The following XKR9 variants were observed in gnomAD, a reference collection of about 807,000 sequenced individuals.
XKR9 encodes the protein XK-related protein 9.
In XKR9, 32 loss-of-function variants were observed where a neutral mutation model predicts 32.0. The observed-to-expected ratio is 1.00, with a 90% CI of 0.76 to 1.34. The LOEUF (loss-of-function observed/expected upper bound fraction) is 1.34. XKR9 is among the 40% of genes most tolerant of loss of function. XKR9 has a pLI of 0.00. For synonymous variants in XKR9, 168 were observed against 143.4 expected (o/e 1.17, Z -1.22); for missense variants, 546 against 429.7 (o/e 1.27, Z -2.39).
chr8:70,931,668 C>T, the XKR9 span, among the ~76,000 whole-genome samples: 4 of 152,184 alleles, frequency 2.6e-5, no homozygotes, highest in East Asian at 1.9e-4. Flanking sequence ...GCACTGGCAT[C>T]TGTTTGTTGT....
chr8:70,944,670 C>T, the XKR9 span, among the ~76,000 whole-genome samples: 2 of 152,212 alleles, frequency 1.3e-5, no homozygotes, highest in East Asian at 3.9e-4. Flanking sequence ...GACCAGTTAG[C>T]GGCAGCAAAT....
intron 2 of XKR9, among the ~76,000 whole-genome samples, chr8:70,776,947 C>CTCTCTCTCTCTCTCTCTCTCTCTCTA: frequency 1.8e-5 from 1 of 54,222 alleles, no homozygotes; most frequent in Non-Finnish European, 3.5e-5. Flanking sequence ...CTCTCTCTCT[C>CTCTCTCTCTCTCTCTCTCTCTCTCTA]TATATATATA....
the XKR9 span, among the ~76,000 whole-genome samples, chr8:70,858,695 T>C: frequency 6.6e-6 from 1 of 151,984 alleles, no homozygotes; most frequent in Admixed American, 6.6e-5. Flanking sequence ...AACCCAGATA[T>C]AAATCCTTGC....
the XKR9 span, among the ~76,000 whole-genome samples, chr8:71,029,046 G>C: frequency 6.6e-6 from 1 of 152,032 alleles, no homozygotes; most frequent in Non-Finnish European, 1.5e-5. Context: ...AATCCCTCCA[G>C]GTCCGTTGTC....
At chr8:70,903,177 C>T in the XKR9 span, among the ~76,000 whole-genome samples, 10 of 152,206 alleles carry the variant, frequency 6.6e-5, no homozygotes, top group South Asian at 1.0e-3. Flanking sequence ...GGAGCATTCT[C>T]TCTTTTTCTA....
intron 2 of XKR9, among the ~76,000 whole-genome samples, chr8:70,756,341 G>A (rs555296444): frequency 6.6e-6 from 1 of 152,238 alleles, no homozygotes; most frequent in Non-Finnish European, 1.5e-5. Context: ...TATTTTAATT[G>A]TCCAGACTCC....
At chr8:70,863,122 A>G in the XKR9 span, among the ~76,000 whole-genome samples, 1 of 152,174 alleles carries the variant, frequency 6.6e-6, no homozygotes, top group Non-Finnish European at 1.5e-5. Context: ...TAGAGCCTTG[A>G]GGGCTATGTT....
chr8:70,822,342 A>G, the XKR9 span, among the ~76,000 whole-genome samples: 1 of 151,996 alleles, frequency 6.6e-6, no homozygotes, highest in Non-Finnish European at 1.5e-5. Flanking sequence ...TTGTTAATTT[A>G]TCATAATTGT....
chr8:70,795,971 A>G, the XKR9 span, among the ~76,000 whole-genome samples: 1 of 151,800 alleles, frequency 6.6e-6, no homozygotes, highest in South Asian at 2.1e-4. Flanking sequence ...CAGTTAAGTC[A>G]TTTGGTACTA....
chr8:70,743,972 C>A (rs199827143), intron 2 of XKR9, among the ~76,000 whole-genome samples: 3 of 151,874 alleles, frequency 2.0e-5, no homozygotes, highest in Admixed American at 6.6e-5. Context: ...ATTTGTGAGA[C>A]GATTTGTGCA....
At chr8:70,751,065 C>T (rs2130183896) in intron 2 of XKR9, among the ~76,000 whole-genome samples, 1 of 152,324 alleles carries the variant, frequency 6.6e-6, no homozygotes, top group East Asian at 1.9e-4. Context: ...AGTATTGGCT[C>T]ATGCTATGTA....
the XKR9 span, among the ~76,000 whole-genome samples, chr8:70,897,343 C>T: frequency 4.6e-5 from 7 of 152,288 alleles, no homozygotes; most frequent in African/African-American, 7.2e-5. Flanking sequence ...CTGCAATTAA[C>T]GCAGGAGTGC....
intron 2 of XKR9, among the ~76,000 whole-genome samples, chr8:70,782,777 A>G (rs1807634230): frequency 6.6e-6 from 1 of 152,164 alleles, no homozygotes. Context: ...AAGACTGAAT[A>G]GTATCCTACT....
intron 2 of XKR9, among the ~76,000 whole-genome samples, chr8:70,768,754 T>C (rs1406412085): frequency 2.2e-5 from 1 of 46,282 alleles, no homozygotes; most frequent in Non-Finnish European, 6.5e-5. Flanking sequence ...AACCCCTGCT[T>C]TTTTTTTTTT....
the XKR9 span, among the ~76,000 whole-genome samples, chr8:70,958,143 A>G: frequency 2.6e-5 from 4 of 152,280 alleles, no homozygotes; most frequent in East Asian, 3.9e-4. Flanking sequence ...GCTATTGTGA[A>G]TAGCGTTGCA....
the XKR9 span, among the ~76,000 whole-genome samples, chr8:70,978,091 A>G: frequency 6.6e-6 from 1 of 152,046 alleles, no homozygotes; most frequent in Non-Finnish European, 1.5e-5. Context: ...TGCTTGGTAG[A>G]TCTTCCTCCA....
the XKR9 span, among the ~76,000 whole-genome samples, chr8:70,820,046 A>G: frequency 6.6e-6 from 1 of 152,202 alleles, no homozygotes; most frequent in Non-Finnish European, 1.5e-5. Context: ...AAAATGCCAT[A>G]TTGGCATTTG....
At chr8:70,817,482 C>A in the XKR9 span, among the ~76,000 whole-genome samples, 15 of 152,160 alleles carry the variant, frequency 9.9e-5, no homozygotes, top group African/African-American at 2.9e-4. Context: ...ACAGATAATA[C>A]AAACAAATGG....
chr8:70,908,745 A>G, the XKR9 span, among the ~76,000 whole-genome samples: 2 of 152,368 alleles, frequency 1.3e-5, no homozygotes, highest in Middle Eastern at 3.4e-3. Flanking sequence ...TTTGTGTGTC[A>G]TAAAATCTTC....
Sources: allele counts gnomAD v4.1 joint callset (sites outside exome capture counted in the v4.1 genomes callset), GRCh38; gene constraint gnomAD v4.1.1; transcripts MANE v1.5; gene names NCBI Gene and HGNC (gene_info 2026-07-23, HGNC 2026-07-21).